DOCK4: variants seen among roughly 807,000 people sequenced by gnomAD.
DOCK4 encodes the protein dedicator of cytokinesis protein 4.
Under a neutral mutation model 268.1 loss-of-function variants are expected in DOCK4, and 97 were observed. The ratio of observed to expected loss-of-function variants is 0.36; its 90% CI spans 0.31 to 0.43. DOCK4 has a LOEUF of 0.43. Ranked by LOEUF, DOCK4 falls within the 20% of genes least tolerant of loss-of-function variation. The probability of loss-of-function intolerance (pLI) is 1.00; values close to 1 mark genes in which losing one functional copy is unlikely to be tolerated. For missense variants in DOCK4, 2,145 were observed against 2,455.7 expected (o/e 0.87, Z 2.67); for synonymous variants, 954 against 887.2 (o/e 1.08, Z -1.34).
chr7:111,742,072 G>A lies in DOCK4; in HGVS notation c.4738C>T (p.Pro1580Ser). The change falls in exon 45 of 53, where the codon CCC (proline) becomes TCC (serine). Residue 1580 changes from proline to serine, a missense_variant. Pro to Ser is a moderately conservative substitution (Grantham distance 74). This residue lies in a region of DOCK4 where 1,598 missense variants were observed against 1,986.7 expected (regional missense o/e 0.80). Coordinates refer to ENST00000428084, the MANE Select transcript of DOCK4 (RefSeq NM_001363540.2). ...HEKFVPQDMR[P>S]LHKKLVDQFF... ...TGGTCAACCAGCTTTTTGTGAAGGG[G>A]TCTCATATCTTGAGGTACAAACTTC... The A allele has an allele frequency of 6.2e-7, 1 of 1,608,738 alleles. No homozygotes were observed. Among genetic ancestry groups the A allele is most frequent in the Non-Finnish European group, 8.5e-7 (1 of 1,177,968 alleles).
In DOCK4 at chr7:111,732,112, A is replaced by G. The variant is rs1460663777; in HGVS notation, c.5481+114T>C. ...CAGCTTCCCCTATCCCTGATTGATA[A>G]GTTCTTTGCCTGGTCCCTGCAAATT... On this transcript the variant is annotated intron_variant, in intron 52 of 52. Coordinates refer to ENST00000428084, the MANE Select transcript of DOCK4 (RefSeq NM_001363540.2). 5 of 1,050,530 alleles carry G rather than the reference A, an allele frequency of 4.8e-6. No individual in the cohort carries two copies. The East Asian group carries it at 1.0e-4, about 22-fold the overall frequency. 65.1% of individuals were successfully genotyped at this position (1,050,530 alleles called of 1,614,324 possible).
chr7:112,155,725 T>G (rs1253789650), intron 1 of DOCK4, among the ~76,000 whole-genome samples: 1 of 152,122 alleles, frequency 6.6e-6, no homozygotes, highest in Non-Finnish European at 1.5e-5. Flanking sequence ...TATTTGAGTT[T>G]GTCAGTGGTT....
chr7:112,083,376 T>C (rs1808771469), intron 1 of DOCK4, among the ~76,000 whole-genome samples: 1 of 152,022 alleles, frequency 6.6e-6, no homozygotes. Flanking sequence ...GTTATAGATA[T>C]AAGATTAGAA....
rs1328476651 is a variant in DOCK4 at position 111,868,013 on chromosome 7, T to C, written c.2251A>G (p.Lys751Glu). 2.5e-6 allele frequency: 4 copies of C among 1,611,880 alleles called. No individual in the cohort carries two copies. In the South Asian group the frequency reaches 4.4e-5, roughly 18 times the overall value. Residue 751 changes from lysine to glutamate, a missense_variant, in exon 22 of 53, where the codon AAA becomes GAA. Physicochemically the swap from Lys to Glu is moderately conservative, Grantham distance 56. Transcript: ENST00000428084. ...SVRFFLSQES[K>E]GSGALSQSQA... Reference sequence around the variant, plus strand: ...GACTGAGATAATGCTCCAGACCCTTTGCTCTCTTGCGAAAGAAAGAAACGG... The same window carrying C: ...GACTGAGATAATGCTCCAGACCCTTCGCTCTCTTGCGAAAGAAAGAAACGG...
In DOCK4 at chr7:111,947,361, A is replaced by C. The variant is rs1795700343; in HGVS notation, c.702-1563T>G. On this transcript the variant is annotated intron_variant, in intron 8 of 52. Transcript: ENST00000428084. The stretch of plus-strand genomic sequence containing the variant: ...CTAGATAGATACGTTTAACAGAATC[A>C]ACTACCTGGCTTATCTCATCTTTTA... Among the ~76,000 whole-genome samples the C allele has an allele frequency of 1.3e-5, 2 of 152,226 alleles. 1 individual carries two copies. The highest frequency in any genetic ancestry group is 1.3e-4 in the Admixed American group (2 of 15,288).
Position 112,004,128 on chromosome 7 carries a change from A to G in DOCK4, c.41T>C (p.Ile14Thr), listed in dbSNP as rs1384685619. The G allele has an allele frequency of 1.3e-6, 2 of 1,581,294 alleles. No individual in the cohort carries two copies. Among genetic ancestry groups the G allele is most frequent in the Admixed American group, 1.8e-5 (1 of 55,462 alleles). The stretch of plus-strand genomic sequence containing the variant: ...TGGAACGGTTCCTCGGAAACTGGCA[A>G]TAACTGTAAAAAATGATAAAGAATA... ...PTEHEKYGVV[I>T]ASFRGTVPYG... is the part of the protein sequence containing the mutation. Residue 14 changes from isoleucine (I) to threonine (T), a missense_variant, in exon 2 of 53, where the codon ATT becomes ACT. By Grantham distance (89) the Ile-to-Thr change is moderately conservative (BLOSUM62 -1). Transcript: ENST00000428084.
rs1794761529 is a variant in DOCK4, at chr7:111,728,003, A to C, written c.*271T>G. 5.5e-6 allele frequency: 2 copies of C among 362,078 alleles called. No individual in the cohort carries two copies. 22.4% of individuals were successfully genotyped at this position (362,078 alleles called of 1,614,324 possible). The stretch of plus-strand genomic sequence containing the variant: ...TTAAACTATATAAAAAAAAGTGAAC[A>C]TAAAAAGGTACAAAAGGAGTCTTTA... On this transcript the variant is annotated 3_prime_UTR_variant, in exon 53 of 53. Transcript: ENST00000428084.
At position 111,741,147 on chromosome 7, in the gene DOCK4, C is replaced by T; in HGVS notation, c.4987G>A (p.Val1663Ile). 1.9e-6 allele frequency: 3 copies of T among 1,613,944 alleles called. No individual in the cohort carries two copies. The highest frequency in any genetic ancestry group is 2.5e-6 in the Non-Finnish European group (3 of 1,179,882). ...TCTGATTGCCCTGTAATATTGCTTA[C>T]TTCAGCAGAAGCTTGTGAGGACAGT... ...SSLSSQASAE[V>I]SNITGQSESS... The change falls in exon 47 of 53, where the codon GTA becomes ATA. Residue 1663 changes from valine to isoleucine, a missense_variant. By Grantham distance (29) the Val-to-Ile change is conservative (BLOSUM62 3). Coordinates refer to ENST00000428084, the MANE Select transcript of DOCK4 (RefSeq NM_001363540.2).
At chr7:112,128,030 G>A (rs747768089) in intron 1 of DOCK4, among the ~76,000 whole-genome samples, 1 of 152,082 alleles carries the variant, frequency 6.6e-6, no homozygotes, top group African/African-American at 2.4e-5. Flanking sequence ...CTCTGTCGGG[G>A]GTGAGGGTGG....
intron 32 of DOCK4, among the ~76,000 whole-genome samples, chr7:111,785,897 T>C (rs1285282238): frequency 2.0e-5 from 3 of 152,272 alleles, no homozygotes; most frequent in Admixed American, 6.5e-5. Flanking sequence ...GCCATGGCCC[T>C]GCAGGGATGA....
At chr7:111,872,624 G>T in intron 17 of DOCK4, 60 bp from the exon 18 acceptor site, 1 of 1,386,744 alleles carries the variant, frequency 7.2e-7, no homozygotes, top group Non-Finnish European at 9.8e-7. Context: ...TCACATGAAA[G>T]CGTTCTGCTA....
At chr7:111,787,714 G>A (rs561228742) in intron 32 of DOCK4, among the ~76,000 whole-genome samples, 2 of 152,150 alleles carry the variant, frequency 1.3e-5, no homozygotes, top group East Asian at 3.9e-4. Flanking sequence ...CAATACTAAA[G>A]CACTGATATT....
chr7:111,904,439 G>A (rs527754103), intron 13 of DOCK4, among the ~76,000 whole-genome samples: 4 of 152,266 alleles, frequency 2.6e-5, no homozygotes, highest in South Asian at 4.1e-4. Flanking sequence ...ATTGAATGGG[G>A]ATGGAGGGAG....
intron 16 of DOCK4, among the ~76,000 whole-genome samples, chr7:111,887,555 T>C (rs1807946710): frequency 6.6e-6 from 1 of 152,124 alleles, no homozygotes; most frequent in South Asian, 2.1e-4. Flanking sequence ...TAGTGCTCTA[T>C]GCTATAGGGC....
At chr7:112,078,335 G>C (rs1264362531) in intron 1 of DOCK4, among the ~76,000 whole-genome samples, 3 of 152,066 alleles carry the variant, frequency 2.0e-5, no homozygotes, top group Non-Finnish European at 4.4e-5. Flanking sequence ...AAGACAACTA[G>C]AGCTGTCATT....
At chr7:112,147,906 C>A (rs1378342415) in intron 1 of DOCK4, among the ~76,000 whole-genome samples, 2 of 148,706 alleles carry the variant, frequency 1.3e-5, no homozygotes, top group East Asian at 2.0e-4. Flanking sequence ...TTCCACCCAA[C>A]TCCCTACTTC....
chr7:112,206,333 G>C lies in DOCK4; in HGVS notation c.-195C>G, dbSNP rs962379740. ...CACTGCGCCGCCCGCAGCTCTCCCGGCGGCGGCTGCTCACAGTCCTCCGAC... is the reference window on the plus strand; with the variant it reads ...CACTGCGCCGCCCGCAGCTCTCCCGCCGGCGGCTGCTCACAGTCCTCCGAC... On this transcript the variant is annotated 5_prime_UTR_variant, in exon 1 of 53. Transcript: ENST00000428084. 3.3e-6 allele frequency: 2 copies of C among 615,338 alleles called. No homozygotes were observed. Among genetic ancestry groups the C allele is most frequent in the Middle Eastern group, 4.3e-4 (1 of 2,344 alleles). 38.1% of individuals were successfully genotyped at this position (615,338 alleles called of 1,614,324 possible). A position where few individuals can be genotyped will look rare whatever the true frequency, so the allele number is the denominator to read the frequency against.
intron 1 of DOCK4, among the ~76,000 whole-genome samples, chr7:112,192,375 C>T (rs1198360835): frequency 2.6e-5 from 4 of 152,062 alleles, no homozygotes; most frequent in Admixed American, 6.6e-5. Context: ...TTATCTTGGG[C>T]GATCTTAGCA....
intron 17 of DOCK4, among the ~76,000 whole-genome samples, chr7:111,876,724 C>T (rs899581907): frequency 6.8e-6 from 1 of 147,228 alleles, no homozygotes; most frequent in Admixed American, 6.8e-5. Context: ...CTATAAAACA[C>T]GAGATTAAGG....
Sources: allele counts gnomAD v4.1 joint callset (sites outside exome capture counted in the v4.1 genomes callset), GRCh38; gene constraint gnomAD v4.1.1; regional missense constraint gnomAD v4.1.1; transcripts MANE v1.5; gene names NCBI Gene and HGNC (gene_info 2026-07-23, HGNC 2026-07-21).